Variants in SHROOM3 observed in about 807,000 individuals in gnomAD.
The protein encoded by SHROOM3 is protein Shroom3.
Under a neutral mutation model 138.6 loss-of-function variants are expected in SHROOM3, and 47 were observed. The observed-to-expected ratio is 0.34, with a 90% CI of 0.27 to 0.43. The LOEUF (loss-of-function observed/expected upper bound fraction) is 0.43, where lower values mean the gene tolerates loss of function less well. Among genes scored for constraint, SHROOM3 ranks in the 20% least tolerant of loss-of-function variants. SHROOM3 has a pLI of 1.00. For synonymous variants in SHROOM3, 1,062 were observed against 1,063.3 expected (o/e 1.00, Z 0.02); for missense variants, 2,491 against 2,596.5 (o/e 0.96, Z 0.88).
chr4:76,566,704 T>C (rs957706999), intron 2 of SHROOM3, among the ~76,000 whole-genome samples: 1 of 152,256 alleles, frequency 6.6e-6, no homozygotes, highest in East Asian at 1.9e-4. Context: ...AGAGCAGTAG[T>C]AGGCTCTTAG....
intron 2 of SHROOM3, among the ~76,000 whole-genome samples, chr4:76,692,907 G>A (rs531029566): frequency 5.3e-5 from 8 of 152,282 alleles, no homozygotes; most frequent in South Asian, 2.1e-4. Flanking sequence ...TTTGTTTTTC[G>A]TGATGGTTTC....
chr4:76,739,251 T>C lies in SHROOM3; in HGVS notation c.1078T>C (p.Ser360Pro). 1 of 1,614,014 alleles carries C rather than the reference T, an allele frequency of 6.2e-7. No individual in the cohort carries two copies. The highest frequency in any genetic ancestry group is 8.5e-7 in the Non-Finnish European group (1 of 1,180,004). The change falls in exon 5 of 11, where the codon TCC becomes CCC. Residue 360 changes from serine to proline, a missense_variant. Physicochemically the swap from Ser to Pro is moderately conservative, Grantham distance 74 (BLOSUM62 -1). This residue lies in a region of SHROOM3 where 1,733 missense variants were observed against 1,661.6 expected (regional missense o/e 1.04). Transcript: ENST00000296043. ...TCGGGGCAAGGGAGTGCCACCCCCA[T>C]CCTGGAGCCAGCAGTGCCCCAGTTC... is the stretch of plus-strand genomic sequence containing the variant. ...IPRGKGVPPP[S>P]WSQQCPSSLE... is the part of the protein sequence containing the mutation.
At chr4:76,500,406 A>G (rs1049517858) in intron 1 of SHROOM3, among the ~76,000 whole-genome samples, 16 of 152,190 alleles carry the variant, frequency 1.1e-4, no homozygotes, top group African/African-American at 3.6e-4. Flanking sequence ...GTCCCAGGAC[A>G]GCTAATGCTA....
intron 2 of SHROOM3, among the ~76,000 whole-genome samples, chr4:76,613,438 T>C (rs1185208460): frequency 6.6e-6 from 1 of 152,174 alleles, no homozygotes; most frequent in Non-Finnish European, 1.5e-5. Context: ...GCATTTACCA[T>C]GGATTGTTAG....
At chr4:76,726,906 A>G (rs888268576) in intron 3 of SHROOM3, among the ~76,000 whole-genome samples, 1 of 152,172 alleles carries the variant, frequency 6.6e-6, no homozygotes, top group African/African-American at 2.4e-5. Flanking sequence ...TTGGGTGGGA[A>G]AATCTTCTCG....
chr4:76,552,288 C>G (rs1733382031), intron 1 of SHROOM3, among the ~76,000 whole-genome samples: 2 of 151,054 alleles, frequency 1.3e-5, no homozygotes, highest in East Asian at 1.9e-4. Context: ...GGGAGGATCA[C>G]TTGAGCCCAG....
At chr4:76,585,116 G>C (rs1734126079) in intron 2 of SHROOM3, among the ~76,000 whole-genome samples, 1 of 152,172 alleles carries the variant, frequency 6.6e-6, no homozygotes, top group African/African-American at 2.4e-5. Context: ...GATACTTTGA[G>C]GATGCTTCAG....
intron 1 of SHROOM3, among the ~76,000 whole-genome samples, chr4:76,461,571 A>G (rs1479446704): frequency 6.6e-6 from 1 of 152,232 alleles, no homozygotes; most frequent in Non-Finnish European, 1.5e-5. Context: ...TGATATTCTA[A>G]ATGAAGCAGA....
intron 1 of SHROOM3, among the ~76,000 whole-genome samples, chr4:76,454,108 G>A (rs1017146413): frequency 6.6e-6 from 1 of 151,978 alleles, no homozygotes; most frequent in African/African-American, 2.4e-5. Context: ...CAGTGGCACC[G>A]TCTCAGCTCA....
At chr4:76,726,161 G>T (rs1560602941) in intron 3 of SHROOM3, among the ~76,000 whole-genome samples, 1 of 151,954 alleles carries the variant, frequency 6.6e-6, no homozygotes, top group Non-Finnish European at 1.5e-5. Context: ...GCATTGCAGT[G>T]GTTGACAGTT....
At chr4:76,678,662 T>A (rs1420699206) in intron 2 of SHROOM3, among the ~76,000 whole-genome samples, 1 of 152,170 alleles carries the variant, frequency 6.6e-6, no homozygotes, top group African/African-American at 2.4e-5. Flanking sequence ...CAATTTTATT[T>A]TTTATTTATT....
chr4:76,709,157 C>T (rs1176120142), intron 2 of SHROOM3, among the ~76,000 whole-genome samples: 4 of 152,328 alleles, frequency 2.6e-5, no homozygotes, highest in East Asian at 3.9e-4. Flanking sequence ...GCCAGATGGA[C>T]GGGGCTTATT....
intron 3 of SHROOM3, among the ~76,000 whole-genome samples, chr4:76,721,779 G>C (rs563457640): frequency 5.3e-5 from 8 of 152,190 alleles, no homozygotes; most frequent in Non-Finnish European, 1.0e-4. Context: ...GCCTGTATTT[G>C]CATAACAGAA....
At chr4:76,449,907 C>T (rs1473236069) in intron 1 of SHROOM3, among the ~76,000 whole-genome samples, 1 of 152,044 alleles carries the variant, frequency 6.6e-6, no homozygotes, top group African/African-American at 2.4e-5. Flanking sequence ...AACATATGCT[C>T]TATTAAAAAA....
chr4:76,739,246 C>T lies in SHROOM3; in HGVS notation c.1073C>T (p.Pro358Leu), dbSNP rs1486129531. 1 of 1,613,948 alleles carries T rather than the reference C, an allele frequency of 6.2e-7. No individual in the cohort carries two copies. The highest frequency in any genetic ancestry group is 8.5e-7 in the Non-Finnish European group (1 of 1,180,042). ...ATTCCTCGGGGCAAGGGAGTGCCAC[C>T]CCCATCCTGGAGCCAGCAGTGCCCC... The part of the protein sequence containing the change: ...SNIPRGKGVP[P>L]PSWSQQCPSS... Residue 358 changes from proline (P) to leucine (L), a missense_variant, in exon 5 of 11, where the codon CCC (proline) becomes CTC (leucine). This residue lies in a region of SHROOM3 where 1,733 missense variants were observed against 1,661.6 expected (regional missense o/e 1.04). Transcript: ENST00000296043.
chr4:76,442,100 T>C (rs572925531), intron 1 of SHROOM3, among the ~76,000 whole-genome samples: 6 of 152,354 alleles, frequency 3.9e-5, no homozygotes, highest in African/African-American at 1.4e-4. Context: ...TGCCAATAAA[T>C]TGTACTCGTT....
intron 2 of SHROOM3, among the ~76,000 whole-genome samples, chr4:76,603,056 C>T (rs1048476923): frequency 6.6e-6 from 1 of 152,050 alleles, no homozygotes; most frequent in Non-Finnish European, 1.5e-5. Flanking sequence ...TGCAGCTTTC[C>T]CAAGTGTAAT....
intron 2 of SHROOM3, among the ~76,000 whole-genome samples, chr4:76,581,419 G>A (rs916689173): frequency 2.0e-5 from 3 of 152,112 alleles, no homozygotes; most frequent in African/African-American, 4.8e-5. Context: ...TGTGCCTTTC[G>A]ATTGCTGTAT....
At chr4:76,471,684 T>C (rs529822190) in intron 1 of SHROOM3, among the ~76,000 whole-genome samples, 141 of 152,324 alleles carry the variant, frequency 9.3e-4, no homozygotes, top group African/African-American at 3.3e-3. Flanking sequence ...CATATGAATG[T>C]ATTAAGAATG....
Sources: gnomAD v4.1 joint callset for allele counts (sites outside exome capture counted in the v4.1 genomes callset) on GRCh38, gnomAD v4.1.1 for gene constraint, gnomAD v4.1.1 regional missense constraint, MANE v1.5 for transcripts, NCBI Gene and HGNC (gene_info 2026-07-23, HGNC 2026-07-21) for gene names.